Variants in DACH1 observed in about 807,000 individuals in gnomAD.
DACH1 encodes the protein dachshund homolog 1.
A neutral mutation model predicts 54.2 loss-of-function variants in DACH1; 12 were observed. The observed-to-expected ratio is 0.22, with a 90% CI of 0.14 to 0.36. DACH1 has a LOEUF of 0.36. Ranked by LOEUF, DACH1 falls within the 10% of genes least tolerant of loss-of-function variation. The pLI, the probability that DACH1 is intolerant of heterozygous loss-of-function variation, is 1.00. For missense variants in DACH1, 805 were observed against 929.8 expected (o/e 0.87, Z 1.75); for synonymous variants, 386 against 366.2 (o/e 1.05, Z -0.62).
At chr13:71,622,790 A>G (rs1876343451) in intron 3 of DACH1, among the ~76,000 whole-genome samples, 1 of 151,942 alleles carries the variant, frequency 6.6e-6, no homozygotes, top group South Asian at 2.1e-4. Flanking sequence ...TATAGTGTCA[A>G]ATAAAATCAC....
At chr13:71,682,918 T>G (rs984463342) in intron 1 of DACH1, among the ~76,000 whole-genome samples, 1 of 152,188 alleles carries the variant, frequency 6.6e-6, no homozygotes, top group Non-Finnish European at 1.5e-5. Context: ...CTCTGTATCA[T>G]AAATGTGCTT....
intron 10 of DACH1, among the ~76,000 whole-genome samples, chr13:71,466,293 G>C (rs1163252026): frequency 6.6e-6 from 1 of 151,926 alleles, no homozygotes; most frequent in Non-Finnish European, 1.5e-5. Context: ...TACTATTTAA[G>C]CCCAACCACA....
At chr13:71,666,697 A>G (rs1008196053) in intron 2 of DACH1, among the ~76,000 whole-genome samples, 15 of 150,336 alleles carry the variant, frequency 1.0e-4, no homozygotes, top group Non-Finnish European at 1.6e-4. Flanking sequence ...TTAAGTAAAA[A>G]ACGACCAGGT....
chr13:71,866,362 G>T lies in DACH1; in HGVS notation c.408C>A (p.Ala136=). The T allele has an allele frequency of 6.6e-7, 1 of 1,518,014 alleles. No individual in the cohort carries two copies. The highest frequency in any genetic ancestry group is 8.8e-7 in the Non-Finnish European group (1 of 1,130,370). 94.0% of individuals were successfully genotyped at this position (1,518,014 alleles called of 1,614,324 possible). A position where few individuals can be genotyped will look rare whatever the true frequency, so the allele number is the denominator to read the frequency against. The change falls in exon 1 of 11, where the codon GCC becomes GCA. Residue 136 remains alanine, a synonymous_variant. Transcript: ENST00000613252. ...TGCTGCTGCTGCTGCTGCCGGTGCT[G>T]GCGTTGATGGGGGTGCTGGAAGCGA... is the stretch of plus-strand genomic sequence containing the variant. ...GGVASSTPIN[A]STGSSSSSSS... is the part of the protein sequence containing the mutation.
chr13:71,503,570 T>A (rs1880084876), intron 6 of DACH1, among the ~76,000 whole-genome samples: 1 of 152,194 alleles, frequency 6.6e-6, no homozygotes. Flanking sequence ...AATTTTAAAA[T>A]CCCAATATTT....
chr13:71,769,152 G>T (rs1885754196), intron 1 of DACH1, among the ~76,000 whole-genome samples: 1 of 151,708 alleles, frequency 6.6e-6, no homozygotes, highest in Admixed American at 6.6e-5. Flanking sequence ...CAGATGACAT[G>T]ATTCATTTGA....
chr13:71,528,966 A>T (rs1002953848), intron 6 of DACH1, among the ~76,000 whole-genome samples: 3 of 152,154 alleles, frequency 2.0e-5, no homozygotes, highest in Non-Finnish European at 2.9e-5. Context: ...TAAATCTCAC[A>T]TCTAGTGAAT....
chr13:71,612,713 T>C (rs1306011368), intron 3 of DACH1, among the ~76,000 whole-genome samples: 1 of 152,216 alleles, frequency 6.6e-6, no homozygotes, highest in African/African-American at 2.4e-5. Flanking sequence ...ACGTGCATTG[T>C]ACAAGAAAAT....
At chr13:71,649,400 C>A (rs992417353) in intron 2 of DACH1, among the ~76,000 whole-genome samples, 2 of 152,126 alleles carry the variant, frequency 1.3e-5, no homozygotes, top group Non-Finnish European at 2.9e-5. Flanking sequence ...AAATTTGGAT[C>A]TACAGCTTAC....
chr13:71,806,266 G>A (rs182861468), intron 1 of DACH1, among the ~76,000 whole-genome samples: 1 of 152,192 alleles, frequency 6.6e-6, no homozygotes, highest in Admixed American at 6.5e-5. Context: ...AATTTCCCAG[G>A]TGTTTAGCTA....
chr13:71,559,271 G>A (rs2138381034), intron 5 of DACH1, among the ~76,000 whole-genome samples: 1 of 152,098 alleles, frequency 6.6e-6, no homozygotes, highest in East Asian at 1.9e-4. Flanking sequence ...ATGCATTATT[G>A]ATTGTTACTA....
intron 1 of DACH1, among the ~76,000 whole-genome samples, chr13:71,801,482 T>C (rs1397487990): frequency 6.6e-6 from 1 of 152,096 alleles, no homozygotes; most frequent in African/African-American, 2.4e-5. Flanking sequence ...CTGAAGACTG[T>C]CAATCAAGCA....
intron 10 of DACH1, among the ~76,000 whole-genome samples, chr13:71,449,012 G>C (rs1874740538): frequency 6.6e-6 from 1 of 152,096 alleles, no homozygotes; most frequent in African/African-American, 2.4e-5. Context: ...AGGGTACTTT[G>C]TCTGTACACT....
intron 6 of DACH1, among the ~76,000 whole-genome samples, chr13:71,514,842 A>G (rs1042940583): frequency 5.9e-5 from 9 of 151,948 alleles, no homozygotes; most frequent in African/African-American, 2.2e-4. Flanking sequence ...GTTAGACCTT[A>G]GAATTCTTGT....
At position 71,808,119 on chromosome 13, in the gene DACH1, C is replaced by G. The variant is rs539319788; in HGVS notation, c.848+57803G>C. Among the ~76,000 whole-genome samples, 5 of 152,278 alleles carry G rather than the reference C, an allele frequency of 3.3e-5. No homozygotes were observed. In the South Asian group the frequency reaches 8.3e-4, roughly 25 times the overall value. On this transcript the variant is annotated intron_variant, in intron 1 of 10. Coordinates refer to ENST00000613252, the MANE Select transcript of DACH1 (RefSeq NM_080759.6). ...TGGACCAACGTCTTCACCATACCCACTTACACCAAGCAGATCTTAAATTGC... is the reference window on the plus strand; with the variant it reads ...TGGACCAACGTCTTCACCATACCCAGTTACACCAAGCAGATCTTAAATTGC...
intron 1 of DACH1, 126 bp downstream of exon 1, chr13:71,865,796 G>A (rs1281176207): frequency 7.7e-7 from 1 of 1,302,526 alleles, no homozygotes; most frequent in Non-Finnish European, 9.7e-7. Context: ...AGAGGAGAGG[G>A]CCGCGCTCGC....
intron 1 of DACH1, among the ~76,000 whole-genome samples, chr13:71,741,892 AGTC>A (rs937031798): frequency 1.3e-5 from 2 of 152,110 alleles, no homozygotes; most frequent in Non-Finnish European, 2.9e-5. Context: ...ACCTACGTAT[AGTC>A]ACTTAAAGCA....
intron 1 of DACH1, among the ~76,000 whole-genome samples, chr13:71,826,578 C>T (rs1047329053): frequency 1.3e-5 from 2 of 152,156 alleles, no homozygotes; most frequent in Non-Finnish European, 2.9e-5. Context: ...GCCACCACTA[C>T]CTCTGCTGCC....
At chr13:71,823,588 T>A (rs1174126908) in intron 1 of DACH1, among the ~76,000 whole-genome samples, 1 of 152,012 alleles carries the variant, frequency 6.6e-6, no homozygotes, top group Admixed American at 6.6e-5. Flanking sequence ...GAGAAAGTCA[T>A]TTAGCATATA....
Sources: gnomAD v4.1 joint callset for allele counts (sites outside exome capture counted in the v4.1 genomes callset) on GRCh38, gnomAD v4.1.1 for gene constraint, MANE v1.5 for transcripts, NCBI Gene and HGNC (gene_info 2026-07-23, HGNC 2026-07-21) for gene names.